ADIPOR1: variants seen among roughly 807,000 people sequenced by gnomAD.
The protein encoded by ADIPOR1 is adiponectin receptor protein 1.
A neutral mutation model predicts 37.5 loss-of-function variants in ADIPOR1; 15 were observed. The observed-to-expected ratio is 0.40, with a 90% confidence interval of 0.27 to 0.62. The LOEUF (loss-of-function observed/expected upper bound fraction) is 0.62. Among genes scored for constraint, ADIPOR1 ranks in the 20% least tolerant of loss-of-function variants. ADIPOR1 has a pLI of 0.42. For synonymous variants in ADIPOR1, 173 were observed against 173.2 expected (o/e 1.00, Z 0.01); for missense variants, 286 against 478.0 (o/e 0.60, Z 3.75).
At chr1:202,950,807 A>T in intron 2 of ADIPOR1, 123 bp downstream of exon 2, 1 of 1,344,522 alleles carries the variant, frequency 7.4e-7, no homozygotes, top group East Asian at 2.3e-5. Flanking sequence ...AGGGACTTGG[A>T]TAGAGACATT....
intron 5 of ADIPOR1, chr1:202,944,212 T>G: frequency 3.3e-6 from 1 of 306,512 alleles, no homozygotes; most frequent in Non-Finnish European, 6.1e-6. Context: ...GTATCTCCCA[T>G]AGTAGACACT....
Position 202,951,021 on chromosome 1 carries a change from G to A in ADIPOR1, c.50C>T (p.Ala17Val). The A allele has an allele frequency of 6.2e-7, 1 of 1,614,114 alleles. No homozygotes were observed. Among genetic ancestry groups the A allele is most frequent in the Non-Finnish European group, 8.5e-7 (1 of 1,180,020 alleles). Residue 17 changes from alanine to valine, a missense_variant, in exon 2 of 8, where the codon GCC becomes GTC. Physicochemically the swap from Ala to Val is moderately conservative, Grantham distance 64. Transcript: ENST00000340990. ...SVVAQGNGAP[A>V]SNREADTVEL... ...CACCGTGTCAGCTTCCCTGTTACTGGCAGGAGCCCCATTCCCCTGTGCCAC... is the reference window on the plus strand; with the variant it reads ...CACCGTGTCAGCTTCCCTGTTACTGACAGGAGCCCCATTCCCCTGTGCCAC...
intron 6 of ADIPOR1, among the ~76,000 whole-genome samples, chr1:202,943,500 A>G (rs145260251): frequency 1.4e-3 from 219 of 152,354 alleles, no homozygotes; most frequent in Non-Finnish European, 2.4e-3. Context: ...CAAACCAAGT[A>G]TAAGAGTAGC....
At chr1:202,943,121 G>GC (rs35447145) in intron 6 of ADIPOR1, among the ~76,000 whole-genome samples, 1 of 152,154 alleles carries the variant, frequency 6.6e-6, no homozygotes, top group South Asian at 2.1e-4. Flanking sequence ...GCCTGCCTCG[G>GC]CCCCCCAAAG....
In ADIPOR1 at chr1:202,946,582, G is replaced by A. The variant is rs141511034; in HGVS notation, c.287C>T (p.Pro96Leu). 6.2e-7 allele frequency: 1 copy of A among 1,613,930 alleles called. No homozygotes were observed. The highest frequency in any genetic ancestry group is 1.3e-5 in the African/African-American group (1 of 74,846). ...KVWEGRWRVIPYDVLPDWLKD... is the reference protein window; with the variant it reads ...KVWEGRWRVILYDVLPDWLKD... ...TAGCCAGTCAGGGAGCACATCATAT[G>A]GGATGACCCTCCAACGTCCCTCCCA... is the stretch of plus-strand genomic sequence containing the variant. The change falls in exon 4 of 8, where the codon CCA (proline) becomes CTA (leucine). Residue 96 changes from proline to leucine, a missense_variant. Physicochemically the swap from Pro to Leu is moderately conservative, Grantham distance 98 (BLOSUM62 -3). Coordinates refer to ENST00000340990, the MANE Select transcript of ADIPOR1 (RefSeq NM_015999.6).
chr1:202,950,795 A>G (rs1654544943), intron 2 of ADIPOR1, 135 bp downstream of exon 2: 2 of 1,236,784 alleles, frequency 1.6e-6, no homozygotes, highest in Admixed American at 2.1e-5. Flanking sequence ...TAACAGTATC[A>G]TAGGGACTTG....
intron 5 of ADIPOR1, 134 bp downstream of exon 5, chr1:202,944,849 G>A: frequency 1.2e-6 from 1 of 863,934 alleles, no homozygotes; most frequent in Non-Finnish European, 1.8e-6. Flanking sequence ...TATCGCCACA[G>A]AACAGAGAGC....
In ADIPOR1 at chr1:202,951,037, CCT is replaced by C; in HGVS notation, c.32_33del (p.Gln11ArgfsTer8). MSSHKGSVVA[Q>X]GNGAPASNRE... ...CTGTTACTGGCAGGAGCCCCATTCC[CCT>C]GTGCCACCACAGATCCTTTGTGGGA... On this transcript the variant is annotated frameshift_variant, in exon 2 of 8. Transcript: ENST00000340990. LOFTEE classifies it high-confidence loss of function. 6.2e-7 allele frequency: 1 copy of C among 1,614,190 alleles called. No individual in the cohort carries two copies. The highest frequency in any genetic ancestry group is 8.5e-7 in the Non-Finnish European group (1 of 1,180,044).
At position 202,946,426 on chromosome 1, in the gene ADIPOR1, C is replaced by A. The variant is rs767202058; in HGVS notation, c.430+13G>T. 2 of 1,613,740 alleles carry A rather than the reference C, an allele frequency of 1.2e-6. No individual in the cohort carries two copies. The highest frequency in any genetic ancestry group is 1.1e-5 in the South Asian group (1 of 91,048). On this transcript the variant is annotated intron_variant, in intron 4 of 7. Coordinates refer to ENST00000340990, the MANE Select transcript of ADIPOR1 (RefSeq NM_015999.6). ...GACAACAAATTCCACCTTTCCCCAT[C>A]CAAATCACTCACCAAGCAGATGGGT...
chr1:202,948,212 G>T, intron 3 of ADIPOR1, 92 bp downstream of exon 3: 2 of 1,030,098 alleles, frequency 1.9e-6, no homozygotes, highest in Non-Finnish European at 2.8e-6. Context: ...AGGAATAAAA[G>T]CTCTTCGACC....
chr1:202,947,157 C>T (rs1360254965), intron 3 of ADIPOR1, among the ~76,000 whole-genome samples: 2 of 152,200 alleles, frequency 1.3e-5, no homozygotes, highest in Non-Finnish European at 2.9e-5. Context: ...CAAAAAATCT[C>T]TTTGTCTTTG....
chr1:202,951,130 C>A lies in ADIPOR1; in HGVS notation c.-60G>T, dbSNP rs181500248. ...TGGGGAAAGGTTGGGGTCTCTCAGC[C>A]CCAGGGGGCAGAGATCTCCCTCTGA... On this transcript the variant is annotated 5_prime_UTR_variant, in exon 2 of 8. Coordinates refer to ENST00000340990, the MANE Select transcript of ADIPOR1 (RefSeq NM_015999.6). 3.1e-6 allele frequency: 5 copies of A among 1,604,684 alleles called. No individual in the cohort carries two copies. In the East Asian group the frequency reaches 1.1e-4, roughly 36 times the overall value.
chr1:202,948,226 T>A, intron 3 of ADIPOR1, 78 bp downstream of exon 3: 1 of 1,208,672 alleles, frequency 8.3e-7, no homozygotes, highest in Non-Finnish European at 1.2e-6. Flanking sequence ...TTCGACCCAG[T>A]GCAAGCTTGC....
At chr1:202,942,281 G>T in intron 6 of ADIPOR1, 63 bp from the exon 7 acceptor site, 1 of 1,451,022 alleles carries the variant, frequency 6.9e-7, no homozygotes, top group Admixed American at 2.2e-5. Flanking sequence ...AGGCACTGCT[G>T]TCTTACTCTG....
At chr1:202,946,343 A>T in intron 4 of ADIPOR1, 96 bp downstream of exon 4, 1 of 1,453,526 alleles carries the variant, frequency 6.9e-7, no homozygotes, top group Non-Finnish European at 9.5e-7. Flanking sequence ...GTAGAATCCC[A>T]GCTGCCAATC....
chr1:202,941,761 A>C, intron 7 of ADIPOR1, 60 bp from the exon 8 acceptor site: 1 of 1,558,518 alleles, frequency 6.4e-7, no homozygotes, highest in Non-Finnish European at 8.7e-7. Flanking sequence ...AGAAACAAGT[A>C]GGAGAAAGCA....
At chr1:202,950,486 C>G (rs748443688) in intron 2 of ADIPOR1, among the ~76,000 whole-genome samples, 1 of 151,948 alleles carries the variant, frequency 6.6e-6, no homozygotes, top group Non-Finnish European at 1.5e-5. Context: ...ATGATGGGCA[C>G]ATATTAAGAG....
At chr1:202,953,232 C>G (rs1313257996) in intron 1 of ADIPOR1, among the ~76,000 whole-genome samples, 2 of 85,566 alleles carry the variant, frequency 2.3e-5, no homozygotes, top group African/African-American at 7.8e-5. Flanking sequence ...TACTTTATAT[C>G]GCAAGCAAAA....
intron 1 of ADIPOR1, among the ~76,000 whole-genome samples, chr1:202,957,328 C>A (rs1438292955): frequency 6.6e-6 from 1 of 152,100 alleles, no homozygotes; most frequent in Non-Finnish European, 1.5e-5. Context: ...AGCCCGTCTT[C>A]TGAATCACTT....
Sources: gnomAD v4.1 joint callset for allele counts (sites outside exome capture counted in the v4.1 genomes callset) on GRCh38, gnomAD v4.1.1 for gene constraint, MANE v1.5 for transcripts, NCBI Gene and HGNC (gene_info 2026-07-23, HGNC 2026-07-21) for gene names.